Variants in LPP observed in about 807,000 individuals in gnomAD.
LPP encodes the protein lipoma-preferred partner.
A neutral mutation model predicts 60.4 loss-of-function variants in LPP; 38 were observed. That is an observed-to-expected ratio of 0.63 (90% CI 0.49 to 0.83). The LOEUF (loss-of-function observed/expected upper bound fraction) is 0.83. Among genes scored for constraint, LPP ranks in the 40% least tolerant of loss-of-function variants. The pLI is 0.00. For synonymous variants in LPP, 328 were observed against 290.8 expected, an observed-to-expected ratio of 1.13 and a Z score of -1.30; for missense variants, 902 against 783.6, an observed-to-expected ratio of 1.15 and a Z score of -1.80.
intron 2 of LPP, among the ~76,000 whole-genome samples, chr3:188,244,011 C>T (rs1357759293): frequency 6.6e-6 from 1 of 152,088 alleles, no homozygotes; most frequent in East Asian, 1.9e-4. Context: ...GAGTAGCTTA[C>T]AGGTGCCCGT....
At chr3:188,567,855 A>C (rs1471687068) in intron 6 of LPP, among the ~76,000 whole-genome samples, 1 of 151,996 alleles carries the variant, frequency 6.6e-6, no homozygotes. Context: ...ATTTATTTCT[A>C]GCTATAGCTT....
intron 10 of LPP, among the ~76,000 whole-genome samples, chr3:188,870,374 G>T (rs1309962546): frequency 6.6e-6 from 1 of 152,032 alleles, no homozygotes; most frequent in Admixed American, 6.6e-5. Flanking sequence ...ATGTATGGAG[G>T]CTTTATTCCC....
chr3:188,631,793 A>G (rs1847889012), intron 7 of LPP, among the ~76,000 whole-genome samples: 1 of 152,168 alleles, frequency 6.6e-6, no homozygotes, highest in African/African-American at 2.4e-5. Flanking sequence ...TTCCTATACA[A>G]TGACGATGGG....
chr3:188,212,729 G>T (rs1010074353), intron 1 of LPP: 1 of 151,606 alleles, frequency 6.6e-6, no homozygotes, highest in Admixed American at 6.6e-5. Flanking sequence ...TTCCCTTCAG[G>T]CTTCGAGACC....
At chr3:188,346,036 A>T (rs1045816597) in intron 3 of LPP, among the ~76,000 whole-genome samples, 19 of 152,258 alleles carry the variant, frequency 1.2e-4, no homozygotes, top group African/African-American at 4.6e-4. Context: ...CATGAGTCTC[A>T]GATTTGCCCA....
intron 8 of LPP, among the ~76,000 whole-genome samples, chr3:188,747,532 G>A (rs1726634703): frequency 6.6e-6 from 1 of 152,162 alleles, no homozygotes; most frequent in Admixed American, 6.5e-5. Context: ...AGAAATTTGA[G>A]AAGCATGTTT....
chr3:188,550,269 A>G (rs533425778), intron 6 of LPP, among the ~76,000 whole-genome samples: 5 of 152,260 alleles, frequency 3.3e-5, no homozygotes, highest in African/African-American at 1.2e-4. Context: ...ACAGGATCTA[A>G]CAAGGCAACA....
intron 7 of LPP, among the ~76,000 whole-genome samples, chr3:188,629,649 A>C (rs966315319): frequency 7.2e-5 from 11 of 152,160 alleles, no homozygotes; most frequent in African/African-American, 2.7e-4. Context: ...GGGCAGTCAT[A>C]CTGGCCGAAG....
chr3:188,736,865 G>C (rs1722712624), intron 8 of LPP, among the ~76,000 whole-genome samples: 1 of 151,934 alleles, frequency 6.6e-6, no homozygotes, highest in South Asian at 2.1e-4. Context: ...ATGGCAAATA[G>C]AAAGGGAATC....
chr3:188,734,597 G>A (rs547703683), intron 8 of LPP, among the ~76,000 whole-genome samples: 1 of 152,302 alleles, frequency 6.6e-6, no homozygotes, highest in African/African-American at 2.4e-5. Context: ...TAAATGCTTA[G>A]GATTCAGTGT....
At chr3:188,668,884 C>T (rs772741494) in intron 7 of LPP, among the ~76,000 whole-genome samples, 5 of 152,158 alleles carry the variant, frequency 3.3e-5, no homozygotes, top group Non-Finnish European at 5.9e-5. Flanking sequence ...ACTGTCTCCA[C>T]GATTTTCCTG....
intron 3 of LPP, among the ~76,000 whole-genome samples, chr3:188,404,388 G>T: frequency 6.6e-6 from 1 of 152,138 alleles, no homozygotes; most frequent in Non-Finnish European, 1.5e-5. Flanking sequence ...GGAACAACAG[G>T]TGTGCGCCAT....
At chr3:188,816,277 C>A (rs1752473534) in intron 9 of LPP, among the ~76,000 whole-genome samples, 1 of 147,512 alleles carries the variant, frequency 6.8e-6, no homozygotes. Context: ...TCTTGGCTCA[C>A]TCCAAGCTCC....
chr3:188,247,244 G>A, intron 2 of LPP: 1 of 878,902 alleles, frequency 1.1e-6, no homozygotes, highest in Non-Finnish European at 1.4e-6. Context: ...AGTCTTAGTT[G>A]CAGGGCACTT....
chr3:188,191,091 G>A (rs546544632), intron 1 of LPP, among the ~76,000 whole-genome samples: 1 of 152,300 alleles, frequency 6.6e-6, no homozygotes, highest in South Asian at 2.1e-4. Context: ...TTAGCTGGGA[G>A]TGGTATTGCA....
Position 188,154,209 on chromosome 3 carries a change from G to A in LPP, c.-233G>A, listed in dbSNP as rs942862840. Reference sequence around the variant, plus strand: ...TCCAGCCGCCGCCGCCGCCGCCGCCGCCGCCACCACCACCGCCGCTGCCCC... The same window carrying A: ...TCCAGCCGCCGCCGCCGCCGCCGCCACCGCCACCACCACCGCCGCTGCCCC... On this transcript the variant is annotated 5_prime_UTR_variant, in exon 1 of 12. Transcript: ENST00000617246. 2.6e-5 allele frequency among the ~76,000 whole-genome samples: 4 copies of A among 151,466 alleles called. No homozygotes were observed. The highest frequency in any genetic ancestry group is 4.0e-4 in the East Asian group (2 of 5,026).
intron 7 of LPP, among the ~76,000 whole-genome samples, chr3:188,660,374 ATGTGTACATGCTTTGAGG>A (rs1854304549): frequency 6.6e-6 from 1 of 152,220 alleles, no homozygotes; most frequent in Admixed American, 6.5e-5. Context: ...ACATTCAATA[ATGTGTACATGCTTTGAGG>A]TGTGTGTAAT....
intron 1 of LPP, among the ~76,000 whole-genome samples, chr3:188,197,006 T>C (rs1193941192): frequency 6.6e-6 from 1 of 152,238 alleles, no homozygotes; most frequent in Non-Finnish European, 1.5e-5. Context: ...CTGCATTTCC[T>C]TGAGAGCAAT....
intron 6 of LPP, among the ~76,000 whole-genome samples, chr3:188,564,934 C>G (rs7635804): frequency 0.8 from 120,917 of 151,894 alleles, 48,312 homozygotes; most frequent in East Asian, 0.94. Flanking sequence ...ATGATGTCCT[C>G]CTGCCTCATG....
Sources: allele counts gnomAD v4.1 joint callset (sites outside exome capture counted in the v4.1 genomes callset), GRCh38; gene constraint gnomAD v4.1.1; transcripts MANE v1.5; gene names NCBI Gene and HGNC (gene_info 2026-07-23, HGNC 2026-07-21).